Variants in SPATA7 observed in about 807,000 individuals in gnomAD.
The protein encoded by SPATA7 is spermatogenesis-associated protein 7.
A neutral mutation model predicts 51.8 loss-of-function variants in SPATA7; 43 were observed. The observed-to-expected ratio is 0.83, with a 90% CI of 0.65 to 1.07. SPATA7 has a LOEUF of 1.07. SPATA7 is among the 50% of genes least tolerant of loss of function. The pLI is 0.00. For missense variants in SPATA7, 683 were observed against 701.3 expected (o/e 0.97, Z 0.30); for synonymous variants, 230 against 252.8 (o/e 0.91, Z 0.86).
At chr14:88,411,506 C>T (rs1260621371) in intron 4 of SPATA7, among the ~76,000 whole-genome samples, 2 of 152,112 alleles carry the variant, frequency 1.3e-5, no homozygotes, top group Admixed American at 1.3e-4. Context: ...GGTGTAGGCA[C>T]CTGAGGGAAT....
chr14:88,398,823 C>T (rs112835689), intron 4 of SPATA7, among the ~76,000 whole-genome samples: 1,625 of 151,866 alleles, frequency 0.011, 14 homozygotes, highest in African/African-American at 0.037. Context: ...GAGGCTGAGG[C>T]GGGCGGATCA....
chr14:88,464,274 G>GT (rs1459615356), intron 4 of SPATA7, among the ~76,000 whole-genome samples: 2 of 152,032 alleles, frequency 1.3e-5, no homozygotes, highest in Non-Finnish European at 2.9e-5. Flanking sequence ...CTCTACTTTT[G>GT]AAATGTCCAT....
At chr14:88,401,836 C>CA (rs57942112) in intron 4 of SPATA7, among the ~76,000 whole-genome samples, 8,743 of 33,198 alleles carry the variant, frequency 0.26, 2,120 homozygotes, top group East Asian at 0.36. Context: ...GACCCTGTCT[C>CA]AAAAAAAAAA....
intron 3 of SPATA7, among the ~76,000 whole-genome samples, chr14:88,452,788 C>G (rs1381480659): frequency 6.6e-6 from 1 of 152,180 alleles, no homozygotes; most frequent in Admixed American, 6.5e-5. Context: ...TTTGCACTTG[C>G]TAACACAATA....
chr14:88,423,004 A>C (rs901366152), intron 5 of SPATA7, among the ~76,000 whole-genome samples: 2 of 152,186 alleles, frequency 1.3e-5, no homozygotes, highest in African/African-American at 4.8e-5. Flanking sequence ...AAGGTCATAT[A>C]TCAAAAACCT....
chr14:88,406,387 G>C (rs2076198857), intron 4 of SPATA7, among the ~76,000 whole-genome samples: 3 of 149,508 alleles, frequency 2.0e-5, no homozygotes, highest in Non-Finnish European at 4.4e-5. Flanking sequence ...CCCATTTGCA[G>C]CCACGCTGCA....
Position 88,469,940 on chromosome 14 carries a change from T to C in SPATA7, c.*73T>C. On this transcript the variant is annotated 3_prime_UTR_variant, in exon 5 of 5. Transcript: ENST00000556406. The surrounding 1 kb of genome is among the most constrained non-coding windows in gnomAD (Gnocchi z 4.3). ...TACCTACCTCTTCTGCTGTCACCAT[T>C]GCTATAATTGCAATTCCCTGTTCCC... 6.2e-7 allele frequency: 1 copy of C among 1,614,104 alleles called. No individual in the cohort carries two copies. The highest frequency in any genetic ancestry group is 8.5e-7 in the Non-Finnish European group (1 of 1,180,016).
chr14:88,422,017 A>G (rs2076660345), intron 5 of SPATA7, among the ~76,000 whole-genome samples: 2 of 152,134 alleles, frequency 1.3e-5, no homozygotes, highest in South Asian at 4.1e-4. Context: ...AGTAAGAAGC[A>G]GGAGTTAAAA....
At position 88,419,963 on chromosome 14, in the gene SPATA7, A is replaced by T. The variant is rs146017434; in HGVS notation, c.372+3119A>T. ...CTCTTCAGTGCAGGTAGGACCTGTA[A>T]CTTGCTTCTACCCAGTAGAATATGG... On this transcript the variant is annotated intron_variant, in intron 5 of 11. Coordinates refer to ENST00000393545, the MANE Select transcript of SPATA7 (RefSeq NM_018418.5). Among the ~76,000 whole-genome samples, 19 of 152,244 alleles carry T rather than the reference A, an allele frequency of 1.2e-4. No individual in the cohort carries two copies. The East Asian group carries it at 3.5e-3, about 28-fold the overall frequency.
chr14:88,403,975 A>G (rs760394035), intron 4 of SPATA7, among the ~76,000 whole-genome samples: 1 of 152,224 alleles, frequency 6.6e-6, no homozygotes, highest in African/African-American at 2.4e-5. Context: ...ATCATTCACA[A>G]TGTATATCAG....
At chr14:88,444,068 C>G (rs985948407) in intron 3 of SPATA7, among the ~76,000 whole-genome samples, 1 of 151,990 alleles carries the variant, frequency 6.6e-6, no homozygotes. Flanking sequence ...CACTGACTTT[C>G]ACAATGGTTG....
At chr14:88,398,640 T>TAAA (rs35109199) in intron 4 of SPATA7, among the ~76,000 whole-genome samples, 1 of 151,872 alleles carries the variant, frequency 6.6e-6, no homozygotes, top group South Asian at 2.1e-4. Flanking sequence ...AATAAAATTT[T>TAAA]AAAAAAAGAT....
downstream of SPATA7, among the ~76,000 whole-genome samples, chr14:88,442,412 G>C (rs2077183945): frequency 6.6e-6 from 1 of 152,114 alleles, no homozygotes; most frequent in Non-Finnish European, 1.5e-5. Context: ...GTTTCACCAT[G>C]TGGGCCATGT....
chr14:88,457,674 A>G (rs187499947), downstream of SPATA7, among the ~76,000 whole-genome samples: 100 of 152,324 alleles, frequency 6.6e-4, no homozygotes, highest in African/African-American at 2.3e-3. Context: ...ATCTGCACAC[A>G]GGGACAATTT....
intron 3 of SPATA7, among the ~76,000 whole-genome samples, chr14:88,395,652 T>C (rs2075860008): frequency 6.6e-6 from 1 of 152,138 alleles, no homozygotes; most frequent in African/African-American, 2.4e-5. Flanking sequence ...TATCCAAATT[T>C]CCCAGTACCA....
rs372013193 is a variant in SPATA7, at chr14:88,426,621, A to G, written c.762A>G (p.Ser254=). The G allele has an allele frequency of 4.4e-5, 71 of 1,614,002 alleles. 1 individual carries two copies. The highest frequency in any genetic ancestry group is 3.4e-6 in the Non-Finnish European group (4 of 1,180,042). Residue 254 remains serine, a synonymous_variant, in exon 6 of 12, where the codon TCA becomes TCG. Coordinates refer to ENST00000393545, the MANE Select transcript of SPATA7 (RefSeq NM_018418.5). ...AAACAGAAGCAAAATCTTTCCTGTC[A>G]CAGTATCGCTATTATACACCTGCCA... ...TLKTEAKSFL[S]QYRYYTPAKR... is the part of the protein sequence containing the mutation.
downstream of SPATA7, among the ~76,000 whole-genome samples, chr14:88,459,138 C>G (rs1293416392): frequency 6.6e-6 from 1 of 152,128 alleles, no homozygotes; most frequent in Non-Finnish European, 1.5e-5. Context: ...TGCTTTACTT[C>G]CAGCTATGTG....
At chr14:88,453,580 C>T (rs970989347) in intron 3 of SPATA7, among the ~76,000 whole-genome samples, 1 of 152,096 alleles carries the variant, frequency 6.6e-6, no homozygotes, top group Non-Finnish European at 1.5e-5. Context: ...GATGAAGGGC[C>T]TTGGTTTTAA....
intron 1 of SPATA7, among the ~76,000 whole-genome samples, chr14:88,387,710 TACTA>T (rs1376249842): frequency 4.6e-5 from 7 of 152,198 alleles, no homozygotes; most frequent in Middle Eastern, 3.2e-3. Context: ...CTTTGTTTCC[TACTA>T]ACTAACTAGG....
Sources: gnomAD v4.1 joint callset for allele counts (sites outside exome capture counted in the v4.1 genomes callset) on GRCh38, gnomAD v4.1.1 for gene constraint, Gnocchi (gnomAD v3.1) non-coding constraint, MANE v1.5 for transcripts, NCBI Gene and HGNC (gene_info 2026-07-23, HGNC 2026-07-21) for gene names.